The following NAALADL2 variants were observed in gnomAD, a reference collection of about 807,000 sequenced individuals.
NAALADL2 encodes inactive N-acetylated-alpha-linked acidic dipeptidase-like protein 2.
Under a neutral mutation model 87.2 loss-of-function variants are expected in NAALADL2, and 76 were observed. The ratio of observed to expected loss-of-function variants is 0.87; its 90% CI spans 0.72 to 1.05. The LOEUF (loss-of-function observed/expected upper bound fraction) is 1.05. NAALADL2 is among the 50% of genes least tolerant of loss of function. The pLI is 0.00. For synonymous variants in NAALADL2, 354 were observed against 331.0 expected (o/e 1.07, Z -0.75); for missense variants, 1,089 against 945.8 (o/e 1.15, Z -1.99).
chr3:174,507,641 A>G (rs577753241), intron 1 of NAALADL2, among the ~76,000 whole-genome samples: 1 of 128,118 alleles, frequency 7.8e-6, no homozygotes, highest in Admixed American at 7.9e-5. Flanking sequence ...TAGGTTTTAC[A>G]TAAAAGACTA....
intron 11 of NAALADL2, among the ~76,000 whole-genome samples, chr3:175,633,468 C>A (rs943712725): frequency 6.6e-6 from 1 of 151,900 alleles, no homozygotes; most frequent in Non-Finnish European, 1.5e-5. Context: ...AAGAGAAAGG[C>A]TTTAAAAATC....
chr3:174,598,542 G>T (rs1431122548), intron 2 of NAALADL2, among the ~76,000 whole-genome samples: 5 of 152,116 alleles, frequency 3.3e-5, no homozygotes, highest in Admixed American at 6.5e-5. Context: ...TTAGTTCTCC[G>T]AAGTGGTATG....
intron 1 of NAALADL2, among the ~76,000 whole-genome samples, chr3:174,931,177 A>G (rs1736838128): frequency 6.6e-6 from 1 of 152,186 alleles, no homozygotes; most frequent in Non-Finnish European, 1.5e-5. Context: ...ACCTAAAACC[A>G]TGTAATGACC....
At chr3:174,631,719 A>G (rs1370516666) in intron 2 of NAALADL2, 2 of 152,210 alleles carry the variant, frequency 1.3e-5, no homozygotes, top group African/African-American at 4.8e-5. Flanking sequence ...AATATCTGTA[A>G]CTTTTCACTA....
intron 1 of NAALADL2, among the ~76,000 whole-genome samples, chr3:175,059,192 ATC>A (rs1196134609): frequency 6.0e-5 from 9 of 150,318 alleles, no homozygotes; most frequent in Non-Finnish European, 1.3e-4. Flanking sequence ...TCTTTTATTC[ATC>A]TCTTTTTTCC....
intron 2 of NAALADL2, among the ~76,000 whole-genome samples, chr3:174,608,419 G>A (rs1205400147): frequency 1.3e-5 from 2 of 151,824 alleles, no homozygotes; most frequent in Admixed American, 6.6e-5. Flanking sequence ...TAGACCGCTA[G>A]CAAGACTAAT....
chr3:175,794,383 G>T (rs62287269), intron 13 of NAALADL2, among the ~76,000 whole-genome samples: 1 of 114,428 alleles, frequency 8.7e-6, no homozygotes, highest in African/African-American at 6.3e-5. Context: ...AAATGAGTGT[G>T]GAAAAAAAAA....
intron 1 of NAALADL2, among the ~76,000 whole-genome samples, chr3:175,042,006 GTAC>G (rs1305279613): frequency 6.6e-6 from 1 of 152,118 alleles, no homozygotes; most frequent in East Asian, 1.9e-4. Context: ...TCAGCATGCT[GTAC>G]ATTAGGTCCT....
At chr3:175,592,296 CTTTTTCT>C (rs142300534) in intron 10 of NAALADL2, among the ~76,000 whole-genome samples, 67 of 144,964 alleles carry the variant, frequency 4.6e-4, no homozygotes, top group South Asian at 8.5e-4. Flanking sequence ...CTATTCTTTT[CTTTTTCT>C]TTTCTTTTTT....
chr3:174,475,175 T>A (rs1250339850), intron 1 of NAALADL2, among the ~76,000 whole-genome samples: 2 of 151,266 alleles, frequency 1.3e-5, no homozygotes, highest in East Asian at 1.9e-4. Flanking sequence ...GAAAAAAAAA[T>A]TGATATTACC....
chr3:174,718,507 G>C (rs1411402165), intron 2 of NAALADL2, among the ~76,000 whole-genome samples: 1 of 152,132 alleles, frequency 6.6e-6, no homozygotes, highest in Non-Finnish European at 1.5e-5. Context: ...TGGTAATGGA[G>C]CAATTAATAG....
At chr3:174,835,547 TAGC>T (rs1315229148) in intron 3 of NAALADL2, among the ~76,000 whole-genome samples, 2 of 152,138 alleles carry the variant, frequency 1.3e-5, no homozygotes, top group Non-Finnish European at 2.9e-5. Flanking sequence ...GGGATACAAT[TAGC>T]AGGGTGAAAA....
chr3:174,922,257 C>T (rs1330539663), intron 1 of NAALADL2, among the ~76,000 whole-genome samples: 1 of 150,076 alleles, frequency 6.7e-6, no homozygotes, highest in East Asian at 2.0e-4. Context: ...GGGTATTGAG[C>T]TGTGATCATG....
chr3:175,647,923 C>G (rs1385473337), intron 11 of NAALADL2, among the ~76,000 whole-genome samples: 2 of 152,124 alleles, frequency 1.3e-5, no homozygotes, highest in African/African-American at 2.4e-5. Flanking sequence ...CAATCAGAGG[C>G]AAAGCAATTA....
intron 1 of NAALADL2, among the ~76,000 whole-genome samples, chr3:174,968,625 G>A (rs930152884): frequency 6.6e-6 from 1 of 151,836 alleles, no homozygotes; most frequent in Admixed American, 6.6e-5. Flanking sequence ...GATTACAGGT[G>A]CACGCCACCA....
At chr3:174,677,473 G>T (rs1255783886) in intron 2 of NAALADL2, among the ~76,000 whole-genome samples, 1 of 152,070 alleles carries the variant, frequency 6.6e-6, no homozygotes, top group East Asian at 1.9e-4. Flanking sequence ...TATAGACAGT[G>T]CTTCTGTGAA....
intron 12 of NAALADL2, among the ~76,000 whole-genome samples, chr3:175,747,091 A>C (rs1746024356): frequency 6.6e-6 from 1 of 152,162 alleles, no homozygotes; most frequent in Non-Finnish European, 1.5e-5. Context: ...TTTAAGGCTG[A>C]TTGTCTCCCC....
chr3:174,882,535 GCA>G (rs1491330711), intron 1 of NAALADL2, among the ~76,000 whole-genome samples: 1 of 147,050 alleles, frequency 6.8e-6, no homozygotes, highest in African/African-American at 2.6e-5. Context: ...ACACATATAT[GCA>G]TACACACATA....
intron 10 of NAALADL2, among the ~76,000 whole-genome samples, chr3:175,608,932 T>C (rs934098425): frequency 4.0e-5 from 6 of 148,398 alleles, no homozygotes; most frequent in Admixed American, 2.7e-4. Flanking sequence ...TGTGTACCAC[T>C]ATTCTGAGCT....
Sources: allele counts gnomAD v4.1 joint callset (sites outside exome capture counted in the v4.1 genomes callset), GRCh38; gene constraint gnomAD v4.1.1; transcripts MANE v1.5; gene names NCBI Gene and HGNC (gene_info 2026-07-23, HGNC 2026-07-21).